SBNO2: variants seen among roughly 807,000 people sequenced by gnomAD.
SBNO2 encodes strawberry notch homolog 2.
In SBNO2, 89 loss-of-function variants were observed where a neutral mutation model predicts 146.3. The ratio of observed to expected loss-of-function variants is 0.61; its 90% CI spans 0.51 to 0.73. SBNO2 has a LOEUF of 0.73. SBNO2 is among the 30% of genes least tolerant of loss of function. The pLI, the probability that SBNO2 is intolerant of heterozygous loss-of-function variation, is 0.00. For missense variants in SBNO2, 2,092 were observed against 2,003.7 expected (o/e 1.04, Z -0.84); for synonymous variants, 1,147 against 892.6 (o/e 1.29, Z -5.08).
intron 1 of SBNO2, among the ~76,000 whole-genome samples, chr19:1,155,908 C>A (rs189825460): frequency 6.6e-6 from 1 of 152,344 alleles, no homozygotes; most frequent in East Asian, 1.9e-4. Flanking sequence ...CCCCTTCCTG[C>A]TGCAGGTTCC....
intron 4 of SBNO2, among the ~76,000 whole-genome samples, chr19:1,138,723 C>A (rs910744014): frequency 1.3e-5 from 2 of 150,480 alleles, no homozygotes; most frequent in Non-Finnish European, 3.0e-5. Context: ...CACAGTGGGG[C>A]CCTCCACGCC....
In SBNO2 at chr19:1,108,669, G is replaced by A. The variant is rs1348286796; in HGVS notation, c.3652C>T (p.Leu1218=). Residue 1218 remains leucine (L), a synonymous_variant, in exon 32 of 32, where the codon CTG becomes TTG. Transcript: ENST00000361757. The stretch of plus-strand genomic sequence containing the variant: ...GCATCCATCAGCCGCAGCTCCTGCA[G>A]CACCCGGCGCACGCAGCCCTCGGGG... ...KIPEGCVRRV[L]QELRLMDADV... 2 of 1,528,300 alleles carry A rather than the reference G, an allele frequency of 1.3e-6. No individual in the cohort carries two copies. Among genetic ancestry groups the A allele is most frequent in the Non-Finnish European group, 1.7e-6 (2 of 1,145,666 alleles). The allele number at this position is 1,528,300 out of a possible 1,614,324, so 94.7% of individuals were successfully genotyped here.
intron 14 of SBNO2, among the ~76,000 whole-genome samples, chr19:1,118,740 C>T (rs777616698): frequency 5.9e-5 from 9 of 152,100 alleles, no homozygotes; most frequent in Non-Finnish European, 1.2e-4. Flanking sequence ...GGTGTGGAGG[C>T]GGGCACCTGT....
At chr19:1,117,244 A>G (rs1235244934) in intron 15 of SBNO2, 79 bp downstream of exon 15, 4 of 1,404,462 alleles carry the variant, frequency 2.8e-6, no homozygotes, top group Admixed American at 2.5e-5. Context: ...GGGAGGGGCC[A>G]GGAAGGACCT....
Position 1,131,949 on chromosome 19 carries a change from A to AT in SBNO2, c.280-4185dup, listed in dbSNP as rs1435136613. 7.2e-5 allele frequency: 37 copies of AT among 513,422 alleles called. No individual in the cohort carries two copies. In the South Asian group the frequency reaches 9.4e-4, roughly 13 times the overall value. The allele number at this position is 513,422 out of a possible 1,614,324, so 31.8% of individuals were successfully genotyped here. On this transcript the variant is annotated intron_variant, in intron 4 of 31. Coordinates refer to ENST00000361757, the MANE Select transcript of SBNO2 (RefSeq NM_014963.3). ...AAGAGACGGACGGGGCGGGGTGGGG[A>AT]TTTTTTTAGATCCTGGCGGCCTCGG...
At chr19:1,125,672 T>C (rs892767313) in intron 5 of SBNO2, among the ~76,000 whole-genome samples, 1 of 144,734 alleles carries the variant, frequency 6.9e-6, no homozygotes, top group African/African-American at 2.6e-5. Flanking sequence ...AGAGACTCTG[T>C]CTTAAAAAAA....
At chr19:1,133,735 C>T (rs576081025) in intron 4 of SBNO2, among the ~76,000 whole-genome samples, 10 of 151,904 alleles carry the variant, frequency 6.6e-5, no homozygotes, top group African/African-American at 2.4e-4. Flanking sequence ...ACCTAGCAGC[C>T]AATCACAGCC....
rs539660595 is a variant in SBNO2, at chr19:1,124,048, CGGGCCAGACGGGACA to C, written c.442-41_442-27del. 69 of 1,599,678 alleles carry C rather than the reference CGGGCCAGACGGGACA, an allele frequency of 4.3e-5. No homozygotes were observed. In the South Asian group the frequency reaches 6.7e-4, roughly 16 times the overall value. On this transcript the variant is annotated intron_variant, in intron 5 of 31. Transcript: ENST00000361757. ...CTGGAAGGGGAGCAGGATGTCAGCC[CGGGCCAGACGGGACA>C]GGTCACAGCTGGTGGGCCCTCGCAG...
chr19:1,159,890 T>C (rs1190792797), intron 1 of SBNO2, among the ~76,000 whole-genome samples: 2 of 151,678 alleles, frequency 1.3e-5, no homozygotes, highest in African/African-American at 2.4e-5. Flanking sequence ...CTGAGAGGAC[T>C]TCGCCCCCCA....
At chr19:1,138,592 G>A (rs1011654047) in intron 4 of SBNO2, among the ~76,000 whole-genome samples, 4 of 152,196 alleles carry the variant, frequency 2.6e-5, no homozygotes, top group Admixed American at 2.0e-4. Flanking sequence ...AACTCACGAC[G>A]GCCACGGGTG....
At chr19:1,159,893 G>A (rs1286178204) in intron 1 of SBNO2, among the ~76,000 whole-genome samples, 1 of 151,856 alleles carries the variant, frequency 6.6e-6, no homozygotes, top group Non-Finnish European at 1.5e-5. Flanking sequence ...AGAGGACTTC[G>A]CCCCCCACAG....
At chr19:1,156,794 T>A (rs865979410) in intron 1 of SBNO2, among the ~76,000 whole-genome samples, 9 of 151,406 alleles carry the variant, frequency 5.9e-5, no homozygotes, top group African/African-American at 2.2e-4. Context: ...GACGGGCCCA[T>A]CCAGAGACAG....
chr19:1,145,561 G>A (rs925443657), intron 4 of SBNO2, among the ~76,000 whole-genome samples: 2 of 152,062 alleles, frequency 1.3e-5, no homozygotes, highest in East Asian at 1.9e-4. Flanking sequence ...AGAAGGGGGC[G>A]GGGCAAGGAC....
intron 3 of SBNO2, among the ~76,000 whole-genome samples, 152 bp from the exon 4 acceptor site, chr19:1,147,572 A>G (rs1447474169): frequency 6.6e-6 from 1 of 151,786 alleles, no homozygotes; most frequent in East Asian, 1.9e-4. Context: ...CGCTGCACAT[A>G]CAGAGGGGCC....
rs1376143384 is a variant in SBNO2, at chr19:1,173,798, A to AT, written c.-127+373_-127+374insA. 1.3e-5 allele frequency: 2 copies of AT among 151,920 alleles called. No homozygotes were observed. The highest frequency in any genetic ancestry group is 1.3e-4 in the Admixed American group (2 of 15,224). The allele number at this position is 151,920 out of a possible 1,614,324, so 9.4% of individuals were successfully genotyped here. A position where few individuals can be genotyped will look rare whatever the true frequency, so the allele number is the denominator to read the frequency against. ...GTGCGGGGTCAAGGGTTACCAGAAA[A>AT]CGAAAGGTCGGGGGTCACCAAGCTG... On this transcript the variant is annotated intron_variant, in intron 1 of 31. Transcript: ENST00000361757. This position sits in a 1 kb window ranked among gnomAD's most constrained non-coding sequence, Gnocchi z 4.7.
chr19:1,130,519 C>T (rs942996092), intron 4 of SBNO2, among the ~76,000 whole-genome samples: 4 of 150,088 alleles, frequency 2.7e-5, no homozygotes, highest in Non-Finnish European at 4.4e-5. Flanking sequence ...TCAAGCAGGG[C>T]GTAGTGGCTC....
rs746242934 is a variant in SBNO2 at position 1,111,000 on chromosome 19, C to G, written c.2884+19G>C. The G allele has an allele frequency of 3.7e-6, 6 of 1,600,204 alleles. No individual in the cohort carries two copies. The South Asian group carries it at 5.6e-5, about 15-fold the overall frequency. On this transcript the variant is annotated intron_variant, in intron 25 of 31. Coordinates refer to ENST00000361757, the MANE Select transcript of SBNO2 (RefSeq NM_014963.3). The surrounding 1 kb of genome is among the most constrained non-coding windows in gnomAD (Gnocchi z 4.9). ...ATGAGAGACAGGAGCGCCTCTGGGC[C>G]TGGGTGTGGGGCACTCACCCTTCTC...
At chr19:1,133,388 C>T (rs573831160) in intron 4 of SBNO2, among the ~76,000 whole-genome samples, 57 of 152,260 alleles carry the variant, frequency 3.7e-4, no homozygotes, top group African/African-American at 1.2e-3. Flanking sequence ...GCTTGTAAGA[C>T]TCCCGCCAGG....
rs1353985608 is a variant in SBNO2, at chr19:1,126,965, A to G, written c.441+639T>C. The stretch of plus-strand genomic sequence containing the variant: ...ACAACCCCTGCTCTAGGCCTGGCCC[A>G]CCCAGGTCCTTCAGGAGCTTCTTGG... On this transcript the variant is annotated intron_variant, in intron 5 of 31. Coordinates refer to ENST00000361757, the MANE Select transcript of SBNO2 (RefSeq NM_014963.3). This position sits in a 1 kb window ranked among gnomAD's most constrained non-coding sequence, Gnocchi z 4.4. Among the ~76,000 whole-genome samples, 2 of 151,990 alleles carry G rather than the reference A, an allele frequency of 1.3e-5. No individual in the cohort carries two copies. The highest frequency in any genetic ancestry group is 1.5e-5 in the Non-Finnish European group (1 of 67,974).
Sources: allele counts gnomAD v4.1 joint callset (sites outside exome capture counted in the v4.1 genomes callset), GRCh38; gene constraint gnomAD v4.1.1; non-coding constraint Gnocchi (gnomAD v3.1); transcripts MANE v1.5; gene names NCBI Gene and HGNC (gene_info 2026-07-23, HGNC 2026-07-21).